The following FBN1 variants were observed in gnomAD, a reference collection of about 807,000 sequenced individuals.
The protein encoded by FBN1 is fibrillin 1, also known as fibrillin-1.
In FBN1, 29 loss-of-function variants were observed where a neutral mutation model predicts 365.1. That is an observed-to-expected ratio of 0.08 (90% CI 0.06 to 0.11). The LOEUF (loss-of-function observed/expected upper bound fraction) is 0.11, where lower values mean the gene tolerates loss of function less well. Ranked by LOEUF, FBN1 falls within the 10% of genes least tolerant of loss-of-function variation. FBN1 has a pLI of 1.00. For missense variants in FBN1, 2,476 were observed against 3,703.2 expected (o/e 0.67, Z 8.60); for synonymous variants, 1,210 against 1,270.5 (o/e 0.95, Z 1.01).
intron 5 of FBN1, among the ~76,000 whole-genome samples, chr15:48,598,551 C>A (rs1461459737): frequency 6.6e-6 from 1 of 152,174 alleles, no homozygotes; most frequent in East Asian, 1.9e-4. Flanking sequence ...CTCTCCTCTG[C>A]ATTTAAGCTC....
At chr15:48,435,074 G>C (rs2043055691) in intron 53 of FBN1, among the ~76,000 whole-genome samples, 1 of 151,580 alleles carries the variant, frequency 6.6e-6, no homozygotes, top group Non-Finnish European at 1.5e-5. Flanking sequence ...TGAGATTAAA[G>C]GTGTGAGCCA....
intron 5 of FBN1, among the ~76,000 whole-genome samples, chr15:48,599,628 C>T (rs943462687): frequency 3.3e-5 from 5 of 151,828 alleles, no homozygotes; most frequent in Non-Finnish European, 5.9e-5. Flanking sequence ...ATGGTGTGTG[C>T]AAATGAACCT....
At chr15:48,614,990 G>A (rs1889624683) in intron 2 of FBN1, among the ~76,000 whole-genome samples, 1 of 152,186 alleles carries the variant, frequency 6.6e-6, no homozygotes, top group Admixed American at 6.5e-5. Flanking sequence ...ACTTCAGAGT[G>A]TCCAGAAGTT....
chr15:48,569,703 T>C (rs2044291091), intron 6 of FBN1, among the ~76,000 whole-genome samples: 1 of 152,100 alleles, frequency 6.6e-6, no homozygotes, highest in Admixed American at 6.5e-5. Context: ...TAAAATAATA[T>C]GTGTTATAAG....
In FBN1 at chr15:48,497,353, T is replaced by C. The variant is rs878853678; in HGVS notation, c.2206A>G (p.Asn736Asp). 1.2e-6 allele frequency: 2 copies of C among 1,614,004 alleles called. No individual in the cohort carries two copies. Among genetic ancestry groups the C allele is most frequent in the South Asian group, 1.1e-5 (1 of 91,084 alleles). ...CCACGAAGGTTTTCACAGATTCCAT[T>C]TGGGCAAATATCAGGATCTAGTGCA... Reference protein sequence around the residue: ...ECALDPDICPNGICENLRGTY... With the variant: ...ECALDPDICPDGICENLRGTY... The change falls in exon 19 of 66, where the codon AAT (asparagine) becomes GAT (aspartate). Residue 736 changes from asparagine to aspartate, a missense_variant. Physicochemically the swap from Asn to Asp is conservative, Grantham distance 23 (BLOSUM62 1). Around this residue, in one of 5 missense-constraint regions of FBN1, gnomAD observed 1,780 missense variants for 2,840.8 expected, o/e 0.63. Coordinates refer to ENST00000316623, the MANE Select transcript of FBN1 (RefSeq NM_000138.5).
At chr15:48,591,641 C>T (rs2044477446) in intron 6 of FBN1, among the ~76,000 whole-genome samples, 1 of 152,200 alleles carries the variant, frequency 6.6e-6, no homozygotes, top group African/African-American at 2.4e-5. Flanking sequence ...TTTGCCTTTT[C>T]ATCTTGACTT....
intron 6 of FBN1, among the ~76,000 whole-genome samples, chr15:48,540,979 A>G (rs1384791465): frequency 1.3e-5 from 2 of 152,162 alleles, no homozygotes; most frequent in East Asian, 3.8e-4. Flanking sequence ...ATAGATACAA[A>G]TATGGTGTTT....
At chr15:48,628,313 A>G (rs1317250157) in intron 2 of FBN1, among the ~76,000 whole-genome samples, 1 of 152,180 alleles carries the variant, frequency 6.6e-6, no homozygotes, top group Non-Finnish European at 1.5e-5. Context: ...AAAAAAAAAA[A>G]AGAGCATTCC....
chr15:48,489,804 T>C (rs1421784487), intron 25 of FBN1, 47 bp downstream of exon 25: 1 of 1,462,382 alleles, frequency 6.8e-7, no homozygotes, highest in Admixed American at 1.7e-5. Flanking sequence ...TGCATCCTAT[T>C]TGTCTAAAAA....
intron 2 of FBN1, among the ~76,000 whole-genome samples, chr15:48,638,617 CTT>C (rs34665953): frequency 0.018 from 2,450 of 138,796 alleles, 29 homozygotes; most frequent in African/African-American, 0.04. Flanking sequence ...TACATCAGAG[CTT>C]TTTTTTTTTT....
intron 46 of FBN1, 56 bp downstream of exon 46, chr15:48,448,712 A>C (rs2043177590): frequency 6.5e-7 from 1 of 1,544,440 alleles, no homozygotes; most frequent in Non-Finnish European, 8.9e-7. Flanking sequence ...CCATATTTAG[A>C]ATCAAATGAA....
intron 27 of FBN1, 75 bp downstream of exon 27, chr15:48,488,038 G>C (rs2043523700): frequency 5.6e-6 from 9 of 1,594,404 alleles, no homozygotes; most frequent in Admixed American, 3.3e-5. Flanking sequence ...GAAGAACCTG[G>C]AACATAGGCT....
In FBN1 at chr15:48,425,096, A is replaced by AG. The variant is rs146522769; in HGVS notation, c.7453+272_7453+273insC. Among the ~76,000 whole-genome samples the AG allele has an allele frequency of 0.025, 3,757 of 152,336 alleles. 82 individuals carry two copies. The highest frequency in any genetic ancestry group is 0.081 in the East Asian group (422 of 5,182). On this transcript the variant is annotated intron_variant, in intron 60 of 65. Coordinates refer to ENST00000316623, the MANE Select transcript of FBN1 (RefSeq NM_000138.5). ...AGAATCTGCCCCACCAGAGCCATTG[A>AG]AGCTGGCCCTGCTATCTCTGAGACA...
intron 50 of FBN1, among the ~76,000 whole-genome samples, chr15:48,440,914 A>C (rs972874010): frequency 4.6e-5 from 7 of 150,722 alleles, no homozygotes; most frequent in South Asian, 4.2e-4. Flanking sequence ...AAAAAAAAAA[A>C]CCCAACTCAA....
At position 48,441,924 on chromosome 15, in the gene FBN1, C is replaced by T. The variant is rs1357115679; in HGVS notation, c.6038-78G>A. On this transcript the variant is annotated intron_variant, in intron 49 of 65. Transcript: ENST00000316623. ...AGGTACCAAACACACAATGTGGACA[C>T]ACAAAGGGCAACTGAGTTTCCAAAC... The T allele has an allele frequency of 1.2e-5, 18 of 1,494,184 alleles. No homozygotes were observed. The East Asian group carries it at 3.4e-4, about 28-fold the overall frequency. 92.6% of individuals were successfully genotyped at this position (1,494,184 alleles called of 1,614,324 possible).
rs73394263 is a variant in FBN1, at chr15:48,585,766, A to T, written c.538+10517T>A. Reference sequence around the variant, plus strand: ...TCTATTTTAGTAGTCCCAAAAGCAGATTAGCCAATTGTGTAATTCCCAGAT... The same window carrying T: ...TCTATTTTAGTAGTCCCAAAAGCAGTTTAGCCAATTGTGTAATTCCCAGAT... On this transcript the variant is annotated intron_variant, in intron 6 of 65. Transcript: ENST00000316623. 6.4e-3 allele frequency among the ~76,000 whole-genome samples: 981 copies of T among 152,336 alleles called. 10 individuals carry two copies. The highest frequency in any genetic ancestry group is 0.023 in the African/African-American group (954 of 41,576).
chr15:48,583,761 T>C (rs1056481095), intron 6 of FBN1, among the ~76,000 whole-genome samples: 2 of 152,206 alleles, frequency 1.3e-5, no homozygotes, highest in African/African-American at 2.4e-5. Flanking sequence ...TTTATGGAAA[T>C]AGTTTTCCCC....
intron 9 of FBN1, 65 bp downstream of exon 9, chr15:48,526,065 T>A: frequency 6.3e-7 from 1 of 1,596,446 alleles, no homozygotes; most frequent in Non-Finnish European, 8.6e-7. Flanking sequence ...CAAGCTTGTT[T>A]AGAAAGTTGT....
rs111848326 is a variant in FBN1, at chr15:48,453,496, G to A, written c.5423-812C>T. Among the ~76,000 whole-genome samples, 727 of 152,240 alleles carry A rather than the reference G, an allele frequency of 4.8e-3. 9 individuals carry two copies. The highest frequency in any genetic ancestry group is 0.017 in the African/African-American group (687 of 41,538). On this transcript the variant is annotated intron_variant, in intron 44 of 65. Transcript: ENST00000316623. ...TCAGTGGTTGCCAGGGGTTAGGGGA[G>A]ATTAGGGGATACACAGGCAAAGCAC...
Sources: gnomAD v4.1 joint callset for allele counts (sites outside exome capture counted in the v4.1 genomes callset) on GRCh38, gnomAD v4.1.1 for gene constraint, gnomAD v4.1.1 regional missense constraint, MANE v1.5 for transcripts, NCBI Gene and HGNC (gene_info 2026-07-23, HGNC 2026-07-21) for gene names.